Variants in MLIP observed in about 807,000 individuals in gnomAD.
MLIP encodes muscular LMNA interacting protein.
MLIP carries 79 observed loss-of-function variants against 84.8 expected under a neutral mutation model. The observed-to-expected ratio is 0.93, with a 90% CI of 0.78 to 1.12. The LOEUF (loss-of-function observed/expected upper bound fraction) is 1.12. MLIP is among the 50% of genes most tolerant of loss of function. The pLI, the probability that MLIP is intolerant of heterozygous loss-of-function variation, is 0.00. For synonymous variants in MLIP, 504 were observed against 463.0 expected, an observed-to-expected ratio of 1.09 and a Z score of -1.14; for missense variants, 1,257 against 1,160.6, an observed-to-expected ratio of 1.08 and a Z score of -1.21.
rs1446991333 is a variant in MLIP at position 54,137,144 on chromosome 6, A to G, written c.1075A>G (p.Asn359Asp). Residue 359 changes from asparagine (N) to aspartate (D), a missense_variant, in exon 4 of 14, where the codon AAT becomes GAT. Asn to Asp is a conservative substitution (Grantham distance 23). Coordinates refer to ENST00000502396, the MANE Select transcript of MLIP (RefSeq NM_001281747.2). Reference sequence around the variant, plus strand: ...GTCCTCCAGTGCTTCTCTGAAGTCGAATTCGGCCTCGTACATACCAGTCCG... The same window carrying G: ...GTCCTCCAGTGCTTCTCTGAAGTCGGATTCGGCCTCGTACATACCAGTCCG... ...PPSSSASLKS[N>D]SASYIPVRIV... 6.5e-7 allele frequency: 1 copy of G among 1,536,028 alleles called. No homozygotes were observed. Among genetic ancestry groups the G allele is most frequent in the South Asian group, 1.2e-5 (1 of 84,050 alleles).
intron 3 of MLIP, 29 bp downstream of exon 3, chr6:54,124,894 G>A (rs747985633): frequency 3.9e-6 from 6 of 1,525,238 alleles, no homozygotes; most frequent in South Asian, 2.6e-5. Flanking sequence ...CTGTCCATAA[G>A]GAAAAAAAAA....
Position 54,131,527 on chromosome 6 carries a change from C to T in MLIP, c.646-5188C>T, listed in dbSNP as rs1286814904. Among the ~76,000 whole-genome samples, 3 of 152,040 alleles carry T rather than the reference C, an allele frequency of 2.0e-5. No individual in the cohort carries two copies. The East Asian group carries it at 5.8e-4, about 29-fold the overall frequency. On this transcript the variant is annotated intron_variant, in intron 3 of 13. Coordinates refer to ENST00000502396, the MANE Select transcript of MLIP (RefSeq NM_001281747.2). The stretch of plus-strand genomic sequence containing the variant: ...TCTGTCATATTCTATCAGTTAGAAG[C>T]AAGTAACCGTTTCCACCCACACTTA...
chr6:54,232,298 T>C (rs912801846), intron 12 of MLIP, among the ~76,000 whole-genome samples: 2 of 152,162 alleles, frequency 1.3e-5, no homozygotes, highest in African/African-American at 2.4e-5. Flanking sequence ...ATGATATAGC[T>C]CATTGTTTTG....
At chr6:54,139,599 T>C (rs895157352) in intron 4 of MLIP, among the ~76,000 whole-genome samples, 3 of 152,172 alleles carry the variant, frequency 2.0e-5, no homozygotes, top group African/African-American at 7.2e-5. Context: ...TACAAAATAG[T>C]TGAAAAATTA....
At chr6:54,120,654 T>C (rs1770373052) in intron 1 of MLIP, among the ~76,000 whole-genome samples, 2 of 152,364 alleles carry the variant, frequency 1.3e-5, no homozygotes, top group Non-Finnish European at 2.9e-5. Context: ...TCTCCACTGC[T>C]GCTACTTTCC....
At chr6:54,192,266 T>C (rs1159265827) in intron 10 of MLIP, among the ~76,000 whole-genome samples, 1 of 151,952 alleles carries the variant, frequency 6.6e-6, no homozygotes, top group Non-Finnish European at 1.5e-5. Context: ...CAGGTAGGTT[T>C]GTGAAGGGAT....
rs1164855724 is a variant in MLIP, at chr6:54,064,969, C to A, written c.63+45878C>A. 6.0e-5 allele frequency among the ~76,000 whole-genome samples: 6 copies of A among 99,640 alleles called. 1 individual carries two copies. The highest frequency in any genetic ancestry group is 1.5e-4 in the African/African-American group (6 of 39,094). 65.4% of individuals were successfully genotyped at this position (99,640 alleles called of 152,430 possible). A position where few individuals can be genotyped will look rare whatever the true frequency, so the allele number is the denominator to read the frequency against. On this transcript the variant is annotated intron_variant, in intron 1 of 12. Transcript: ENST00000274897. ...GTAACCTACCAACATACAACAACAA[C>A]CACAGAAAACACAAACTGATCTGAA...
At chr6:54,155,249 C>T (rs1251708838) in intron 5 of MLIP, among the ~76,000 whole-genome samples, 1 of 151,916 alleles carries the variant, frequency 6.6e-6, no homozygotes, top group Admixed American at 6.6e-5. Flanking sequence ...GACCTGAATC[C>T]CCAACTAGAC....
At position 54,264,016 on chromosome 6, in the gene MLIP, A is replaced by C. The variant is rs899431305; in HGVS notation, c.2977-1934A>C. Among the ~76,000 whole-genome samples, 5 of 152,194 alleles carry C rather than the reference A, an allele frequency of 3.3e-5. No homozygotes were observed. In the South Asian group the frequency reaches 1.0e-3, roughly 32 times the overall value. The stretch of plus-strand genomic sequence containing the variant: ...CCAGTAAAAACTTCACAAAGTGTCT[A>C]AAACGATGGCTGTAGCTGTCATAGC... On this transcript the variant is annotated intron_variant, in intron 13 of 13. Transcript: ENST00000502396.
At chr6:54,124,239 C>G (rs1770710768) in intron 2 of MLIP, among the ~76,000 whole-genome samples, 1 of 152,106 alleles carries the variant, frequency 6.6e-6, no homozygotes, top group South Asian at 2.1e-4. Context: ...GTTAGGTTTG[C>G]CTGTTGATGT....
chr6:54,090,015 A>C (rs1395653781), intron 1 of MLIP, among the ~76,000 whole-genome samples: 1 of 152,104 alleles, frequency 6.6e-6, no homozygotes, highest in Admixed American at 6.6e-5. Flanking sequence ...CCTTGTTTCT[A>C]ATTTGGAAGT....
chr6:54,144,873 G>A (rs1452770327), intron 4 of MLIP, among the ~76,000 whole-genome samples: 1 of 152,182 alleles, frequency 6.6e-6, no homozygotes, highest in African/African-American at 2.4e-5. Context: ...GACTTTAGTG[G>A]AAAATATTTT....
At chr6:54,075,293 A>G (rs1338302319) in intron 1 of MLIP, among the ~76,000 whole-genome samples, 2 of 151,550 alleles carry the variant, frequency 1.3e-5, no homozygotes, top group Non-Finnish European at 2.9e-5. Flanking sequence ...AATAATAATC[A>G]GGGAAATGCC....
At chr6:54,256,964 A>C (rs1442895330) in intron 12 of MLIP, among the ~76,000 whole-genome samples, 2 of 152,112 alleles carry the variant, frequency 1.3e-5, no homozygotes, top group African/African-American at 4.8e-5. Flanking sequence ...GCATAAATTT[A>C]ACTTTGTTTC....
Position 54,257,367 on chromosome 6 carries a change from T to C in MLIP, c.2976+6T>C. 6.2e-7 allele frequency: 1 copy of C among 1,600,812 alleles called. No individual in the cohort carries two copies. The highest frequency in any genetic ancestry group is 8.6e-7 in the Non-Finnish European group (1 of 1,168,338). On this transcript the variant is annotated splice_donor_region_variant and intron_variant, in intron 13 of 13. Coordinates refer to ENST00000502396, the MANE Select transcript of MLIP (RefSeq NM_001281747.2). ...AAGCTCTTGATTCCAAAGAGGTAAA[T>C]GTAAGATAGGACTGGATATCTAATT...
chr6:54,094,423 G>T (rs1293699246), intron 1 of MLIP, among the ~76,000 whole-genome samples: 1 of 152,124 alleles, frequency 6.6e-6, no homozygotes, highest in Non-Finnish European at 1.5e-5. Context: ...CTGGACAACT[G>T]CTTTGCAAAT....
chr6:54,216,479 C>T (rs1461886708), intron 11 of MLIP: 2 of 985,264 alleles, frequency 2.0e-6, no homozygotes, highest in Non-Finnish European at 2.4e-6. Flanking sequence ...TTGAGTGTAC[C>T]TCCATCAGAT....
At chr6:54,062,615 A>T (rs1766030791) in intron 1 of MLIP, among the ~76,000 whole-genome samples, 1 of 152,196 alleles carries the variant, frequency 6.6e-6, no homozygotes, top group African/African-American at 2.4e-5. Flanking sequence ...TGAAAGGGAA[A>T]GAAGAGAGGT....
chr6:54,201,499 T>C (rs1314761308), intron 10 of MLIP, among the ~76,000 whole-genome samples: 1 of 152,162 alleles, frequency 6.6e-6, no homozygotes, highest in Non-Finnish European at 1.5e-5. Context: ...TCCTGTAGCT[T>C]CTACATGACA....
Sources: gnomAD v4.1 joint callset for allele counts (sites outside exome capture counted in the v4.1 genomes callset) on GRCh38, gnomAD v4.1.1 for gene constraint, MANE v1.5 for transcripts, NCBI Gene and HGNC (gene_info 2026-07-23, HGNC 2026-07-21) for gene names.